The following PTPRR variants were observed in gnomAD, a reference collection of about 807,000 sequenced individuals.
PTPRR encodes receptor-type tyrosine-protein phosphatase R.
Under a neutral mutation model 77.2 loss-of-function variants are expected in PTPRR, and 38 were observed. The observed-to-expected ratio is 0.49, with a 90% CI of 0.38 to 0.65. The LOEUF (loss-of-function observed/expected upper bound fraction) is 0.65. Ranked by LOEUF, PTPRR falls within the 30% of genes least tolerant of loss-of-function variation. The pLI, the probability that PTPRR is intolerant of heterozygous loss-of-function variation, is 0.00. For missense variants in PTPRR, 744 were observed against 799.2 expected (o/e 0.93, Z 0.83); for synonymous variants, 299 against 283.1 (o/e 1.06, Z -0.57).
Position 70,696,177 on chromosome 12 carries a change from A to ATT in PTPRR, c.1279+2086_1279+2087dup, listed in dbSNP as rs35849407. Among the ~76,000 whole-genome samples, 575 of 141,934 alleles carry ATT rather than the reference A, an allele frequency of 4.1e-3. 2 individuals carry two copies. The highest frequency in any genetic ancestry group is 9.8e-3 in the South Asian group (44 of 4,496). The allele number at this position is 141,934 out of a possible 152,430, so 93.1% of individuals were successfully genotyped here. ...TCATAGAAAATATTACTTCCTCTCC[A>ATT]TTTTTTTTTTTTTGCCTAATTTCTC... On this transcript the variant is annotated intron_variant, in intron 8 of 13. Transcript: ENST00000283228.
intron 2 of PTPRR, among the ~76,000 whole-genome samples, chr12:70,824,777 A>G (rs1892080796): frequency 6.6e-6 from 1 of 152,210 alleles, no homozygotes; most frequent in Non-Finnish European, 1.5e-5. Flanking sequence ...GTGTAAGAGT[A>G]AAGATGAAAA....
intron 2 of PTPRR, among the ~76,000 whole-genome samples, chr12:70,807,092 G>T (rs1482493612): frequency 6.6e-6 from 1 of 152,170 alleles, no homozygotes; most frequent in African/African-American, 2.4e-5. Context: ...GGAACTCTTT[G>T]TCTCTTTCCC....
chr12:70,656,539 G>GA (rs1275842955), intron 13 of PTPRR, among the ~76,000 whole-genome samples, 165 bp downstream of exon 13: 2 of 152,038 alleles, frequency 1.3e-5, no homozygotes, highest in Admixed American at 6.5e-5. Context: ...AAAAAAGAGA[G>GA]AAAAAAAGGC....
At chr12:70,862,134 C>CA (rs1273657500) in intron 2 of PTPRR, among the ~76,000 whole-genome samples, 2 of 151,866 alleles carry the variant, frequency 1.3e-5, no homozygotes, top group Non-Finnish European at 1.5e-5. Flanking sequence ...AAGCAGTGTG[C>CA]AAAAAATTAG....
chr12:70,916,301 C>T (rs1893774675), intron 1 of PTPRR, among the ~76,000 whole-genome samples: 1 of 151,810 alleles, frequency 6.6e-6, no homozygotes, highest in Admixed American at 6.6e-5. Flanking sequence ...CTGGCATCTT[C>T]TAGAAACAGA....
chr12:70,853,814 T>G (rs993874053), intron 2 of PTPRR, among the ~76,000 whole-genome samples: 3 of 152,298 alleles, frequency 2.0e-5, no homozygotes, highest in African/African-American at 7.2e-5. Context: ...CACATATGTT[T>G]GTGAAAAAAC....
intron 2 of PTPRR, among the ~76,000 whole-genome samples, chr12:70,775,668 G>T (rs995505718): frequency 1.3e-5 from 2 of 152,064 alleles, no homozygotes; most frequent in African/African-American, 4.8e-5. Context: ...ATGCCTCAAG[G>T]CTCCTTAGAG....
intron 5 of PTPRR, among the ~76,000 whole-genome samples, chr12:70,747,135 G>A (rs1322534754): frequency 3.3e-5 from 5 of 152,090 alleles, no homozygotes. Flanking sequence ...GAAGATGAAT[G>A]CCTTTATCAT....
intron 2 of PTPRR, among the ~76,000 whole-genome samples, chr12:70,795,176 A>G (rs150736877): frequency 1.8e-4 from 27 of 152,218 alleles, no homozygotes; most frequent in African/African-American, 6.3e-4. Context: ...CTGGCTTACT[A>G]TTTCTCAAAA....
At chr12:70,741,354 A>T (rs891642528) in intron 6 of PTPRR, among the ~76,000 whole-genome samples, 18 of 152,200 alleles carry the variant, frequency 1.2e-4, no homozygotes, top group African/African-American at 4.3e-4. Flanking sequence ...GAACTAAAGC[A>T]GCGGGGAGCC....
Position 70,754,220 on chromosome 12 carries a change from T to C in PTPRR, c.709A>G (p.Ile237Val). Residue 237 changes from isoleucine (I) to valine (V), a missense_variant, in exon 5 of 14, where the codon ATC (isoleucine) becomes GTC (valine). Ile to Val is a conservative substitution (Grantham distance 29, BLOSUM62 3). Around this residue, in one of 3 missense-constraint regions of PTPRR, gnomAD observed 570 missense variants for 573.2 expected, o/e 0.99. Coordinates refer to ENST00000283228, the MANE Select transcript of PTPRR (RefSeq NM_002849.4). ...GFYAVVIFLS[I>V]FVIIVTCLMI... Reference sequence around the variant, plus strand: ...AAACACGTTACTATAATAACAAAGATGCTGAGAAAAATGACAACAGCATAA... The same window carrying C: ...AAACACGTTACTATAATAACAAAGACGCTGAGAAAAATGACAACAGCATAA... 6.2e-7 allele frequency: 1 copy of C among 1,613,550 alleles called. No homozygotes were observed. Among genetic ancestry groups the C allele is most frequent in the Non-Finnish European group, 8.5e-7 (1 of 1,179,742 alleles).
At chr12:70,759,845 G>A (rs1890652849) in intron 4 of PTPRR, among the ~76,000 whole-genome samples, 1 of 152,072 alleles carries the variant, frequency 6.6e-6, no homozygotes, top group South Asian at 2.1e-4. Context: ...ATAAAGCCCA[G>A]CATACAAAGG....
chr12:70,880,133 T>C (rs1893123358), intron 2 of PTPRR, among the ~76,000 whole-genome samples: 1 of 145,550 alleles, frequency 6.9e-6, no homozygotes, highest in African/African-American at 2.4e-5. Context: ...TTCCATATAA[T>C]GTTAATAATA....
At chr12:70,686,465 A>C (rs1012974118) in intron 8 of PTPRR, among the ~76,000 whole-genome samples, 1 of 152,206 alleles carries the variant, frequency 6.6e-6, no homozygotes, top group African/African-American at 2.4e-5. Context: ...AAATGTAGTC[A>C]TCCAATTATC....
At chr12:70,690,141 G>A (rs1275988971) in intron 8 of PTPRR, among the ~76,000 whole-genome samples, 3 of 152,168 alleles carry the variant, frequency 2.0e-5, no homozygotes, top group East Asian at 3.8e-4. Flanking sequence ...TAGGGATGGC[G>A]AGGTAACCAG....
intron 10 of PTPRR, among the ~76,000 whole-genome samples, chr12:70,681,118 G>T (rs1592666953): frequency 6.6e-6 from 1 of 152,284 alleles, no homozygotes; most frequent in Admixed American, 6.5e-5. Context: ...CCTCCTAGGA[G>T]CTTGTTCCCA....
At chr12:70,783,794 T>C (rs60680082) in intron 2 of PTPRR, among the ~76,000 whole-genome samples, 53,239 of 148,256 alleles carry the variant, frequency 0.36, 12,098 homozygotes, top group African/African-American at 0.65. Flanking sequence ...CAGCTGCCCT[T>C]AGTCCCCTTT....
intron 2 of PTPRR, among the ~76,000 whole-genome samples, chr12:70,823,687 G>A (rs1892061558): frequency 6.6e-6 from 1 of 152,208 alleles, no homozygotes; most frequent in Non-Finnish European, 1.5e-5. Flanking sequence ...AGAACAAAGG[G>A]CTGACCTTGC....
chr12:70,685,431 G>A (rs1049599957), intron 8 of PTPRR, among the ~76,000 whole-genome samples: 1 of 137,040 alleles, frequency 7.3e-6, no homozygotes, highest in African/African-American at 2.8e-5. Context: ...GATCCCTTGA[G>A]CCTGGGGCTT....
Sources: gnomAD v4.1 joint callset for allele counts (sites outside exome capture counted in the v4.1 genomes callset) on GRCh38, gnomAD v4.1.1 for gene constraint, gnomAD v4.1.1 regional missense constraint, MANE v1.5 for transcripts, NCBI Gene and HGNC (gene_info 2026-07-23, HGNC 2026-07-21) for gene names.